SYNE1: variants seen among roughly 807,000 people sequenced by gnomAD.
The protein encoded by SYNE1 is nesprin-1.
In SYNE1, 616 loss-of-function variants were observed where a neutral mutation model predicts 1,111.0. The observed-to-expected ratio is 0.55, with a 90% CI of 0.52 to 0.59. The LOEUF (loss-of-function observed/expected upper bound fraction) is 0.59, where lower values mean the gene tolerates loss of function less well. Ranked by LOEUF, SYNE1 falls within the 20% of genes least tolerant of loss-of-function variation. SYNE1 has a pLI of 0.00. For missense variants in SYNE1, 10,006 were observed against 10,417.0 expected, an observed-to-expected ratio of 0.96 and a Z score of 1.72; for synonymous variants, 3,855 against 3,825.8, an observed-to-expected ratio of 1.01 and a Z score of -0.28.
rs2099037271 is a variant in SYNE1, at chr6:152,502,861, A to G, written c.779-119T>C. 26 of 792,536 alleles carry G rather than the reference A, an allele frequency of 3.3e-5. 1 individual carries two copies. In the South Asian group the frequency reaches 4.1e-4, roughly 13 times the overall value. 49.1% of individuals were successfully genotyped at this position (792,536 alleles called of 1,614,324 possible). On this transcript the variant is annotated intron_variant, in intron 9 of 145. Transcript: ENST00000367255. ...CTAAACGCAGAAGGAAAACAGAAGT[A>G]CTATTTAGAATTTTGGACGGGGAGG...
Position 152,547,487 on chromosome 6 carries a change from A to C in SYNE1, c.68-7466T>G, listed in dbSNP as rs1013146671. On this transcript the variant is annotated intron_variant, in intron 3 of 145. Coordinates refer to ENST00000367255, the MANE Select transcript of SYNE1 (RefSeq NM_182961.4). ...AGGGAGATTTCCTTGCAGAATGCTG[A>C]AAGTGTCAGTTGGCTTCTTTTAGCT... is the stretch of plus-strand genomic sequence containing the variant. Among the ~76,000 whole-genome samples, 5 of 152,236 alleles carry C rather than the reference A, an allele frequency of 3.3e-5. No homozygotes were observed. In the East Asian group the frequency reaches 7.7e-4, roughly 23 times the overall value.
Position 152,540,290 on chromosome 6 carries a change from GAC to G in SYNE1, c.68-271_68-270del, listed in dbSNP as rs540010198. 1.5e-4 allele frequency among the ~76,000 whole-genome samples: 23 copies of G among 152,220 alleles called. No homozygotes were observed. In the South Asian group the frequency reaches 3.5e-3, roughly 23 times the overall value. On this transcript the variant is annotated intron_variant, in intron 3 of 145. Coordinates refer to ENST00000367255, the MANE Select transcript of SYNE1 (RefSeq NM_182961.4). ...ATCCACTTACTTAAAATTCACTGAT[GAC>G]TTATACTTCAACAAAGCTGTTAAAA...
chr6:152,508,368 T>C (rs2099069003), intron 8 of SYNE1, among the ~76,000 whole-genome samples: 1 of 152,172 alleles, frequency 6.6e-6, no homozygotes. Context: ...AAAGTAAAAC[T>C]TCCACTGATG....
rs150266354 is a variant in SYNE1, at chr6:152,330,015, C to G, written c.14670G>C (p.Gln4890His). The change falls in exon 78 of 146, where the codon CAG becomes CAC. Residue 4890 changes from glutamine (Q) to histidine (H), a missense_variant. Transcript: ENST00000367255. ...ESRMVQSIDF[Q>H]TEMSRSLDWL... ...AGTCCAGGGAGCGACTCATCTCAGTCTGGAAGTCTATACTCTGCACCATTC... is the reference window on the plus strand; with the variant it reads ...AGTCCAGGGAGCGACTCATCTCAGTGTGGAAGTCTATACTCTGCACCATTC... 5 of 1,614,066 alleles carry G rather than the reference C, an allele frequency of 3.1e-6. No individual in the cohort carries two copies. The highest frequency in any genetic ancestry group is 4.2e-6 in the Non-Finnish European group (5 of 1,180,046).
Position 152,407,062 on chromosome 6 carries a change from G to GCT in SYNE1, c.6673_6674dup (p.Ser2225ArgfsTer26). 1 of 1,613,594 alleles carries GCT rather than the reference G, an allele frequency of 6.2e-7. No individual in the cohort carries two copies. The highest frequency in any genetic ancestry group is 8.5e-7 in the Non-Finnish European group (1 of 1,179,950). Reference sequence around the variant, plus strand: ...CAGCTCTGAGGTGGTTATCCAGGTTGCTGATGTTTTCTGCCATCTGTGGAA... The same window carrying GCT: ...CAGCTCTGAGGTGGTTATCCAGGTTGCTCTGATGTTTTCTGCCATCTGTGGAA... On this transcript the variant is annotated frameshift_variant, in exon 45 of 146. Coordinates refer to ENST00000367255, the MANE Select transcript of SYNE1 (RefSeq NM_182961.4). LOFTEE classifies it high-confidence loss of function.
chr6:152,465,008 A>G, intron 18 of SYNE1: 1 of 524,198 alleles, frequency 1.9e-6, no homozygotes, highest in Non-Finnish European at 3.4e-6. Flanking sequence ...TCCCCTTCAT[A>G]GACAGACTTC....
intron 129 of SYNE1, among the ~76,000 whole-genome samples, chr6:152,178,152 G>T (rs1024742165): frequency 6.6e-6 from 1 of 151,954 alleles, no homozygotes. Context: ...ATGAAAAGCT[G>T]AAATTTTTCT....
At chr6:152,619,801 G>A (rs149359849) in intron 3 of SYNE1, among the ~76,000 whole-genome samples, 44 of 152,154 alleles carry the variant, frequency 2.9e-4, no homozygotes, top group African/African-American at 1.0e-3. Flanking sequence ...CTCATAGCAC[G>A]GTCCCCAACT....
chr6:152,462,634 G>T, intron 20 of SYNE1, 104 bp downstream of exon 20: 2 of 1,364,964 alleles, frequency 1.5e-6, no homozygotes, highest in African/African-American at 1.4e-5. Context: ...TCAAAATGAT[G>T]CCCAGGAGAC....
chr6:152,127,429 T>G (rs1477232162), intron 145 of SYNE1: 1 of 152,166 alleles, frequency 6.6e-6, no homozygotes, highest in Non-Finnish European at 1.5e-5. Flanking sequence ...AAGTACTAAA[T>G]GAATGTCAGC....
At chr6:152,274,745 C>T (rs557453253) in intron 98 of SYNE1, among the ~76,000 whole-genome samples, 1 of 152,116 alleles carries the variant, frequency 6.6e-6, no homozygotes, top group East Asian at 1.9e-4. Flanking sequence ...TACAGGTTCC[C>T]ACCACCACAC....
At chr6:152,247,514 G>T (rs949979402) in intron 105 of SYNE1, among the ~76,000 whole-genome samples, 1 of 151,470 alleles carries the variant, frequency 6.6e-6, no homozygotes. Context: ...AAAACAAAAA[G>T]ATTTTTCATG....
rs559853798 is a variant in SYNE1, at chr6:152,314,123, T to G, written c.16710+2726A>C. Among the ~76,000 whole-genome samples the G allele has an allele frequency of 7.5e-4, 114 of 152,340 alleles. 1 individual carries two copies. The highest frequency in any genetic ancestry group is 2.7e-3 in the African/African-American group (112 of 41,584). On this transcript the variant is annotated intron_variant, in intron 87 of 145. Transcript: ENST00000367255. ...ACTGAAACCATCTTTTATATTGTCT[T>G]ACTGTCCTCAATGTGTTTTCCAAAG...
At chr6:152,514,333 A>G (rs1011575860) in intron 6 of SYNE1, among the ~76,000 whole-genome samples, 1 of 152,214 alleles carries the variant, frequency 6.6e-6, no homozygotes, top group Non-Finnish European at 1.5e-5. Context: ...TTGCAGGGAC[A>G]TGGATGAAGC....
At chr6:152,132,342 C>A (rs972120102) in intron 143 of SYNE1, 128 bp from the exon 144 acceptor site, 5 of 836,222 alleles carry the variant, frequency 6.0e-6, no homozygotes, top group African/African-American at 5.0e-5. Context: ...TCAAACCATT[C>A]CTTGGGGAAA....
At chr6:152,617,686 CTT>C (rs1201820356) in intron 3 of SYNE1, among the ~76,000 whole-genome samples, 1 of 152,192 alleles carries the variant, frequency 6.6e-6, no homozygotes, top group Middle Eastern at 3.2e-3. Flanking sequence ...GACAGAGCTT[CTT>C]GCATAAACCC....
intron 11 of SYNE1, among the ~76,000 whole-genome samples, chr6:152,495,162 T>A (rs1425865154): frequency 6.6e-6 from 1 of 152,204 alleles, no homozygotes; most frequent in Non-Finnish European, 1.5e-5. Context: ...GTGTTCCATT[T>A]GCTATTCTCC....
In SYNE1 at chr6:152,620,684, C is replaced by T. The variant is rs147301287; in HGVS notation, c.67+7581G>A. ...TATTACCACCTCTCTCCCCATCCAC[C>T]GTTCAACCCATCATCTGTCTCTTGA... On this transcript the variant is annotated intron_variant, in intron 3 of 145. Coordinates refer to ENST00000367255, the MANE Select transcript of SYNE1 (RefSeq NM_182961.4). Among the ~76,000 whole-genome samples the T allele has an allele frequency of 3.9e-5, 6 of 152,254 alleles. No homozygotes were observed. The East Asian group carries it at 9.6e-4, about 24-fold the overall frequency.
At chr6:152,627,321 G>A (rs1261600427) in intron 3 of SYNE1, among the ~76,000 whole-genome samples, 4 of 152,122 alleles carry the variant, frequency 2.6e-5, no homozygotes, top group South Asian at 2.1e-4. Flanking sequence ...TCACCTATGA[G>A]TTTCTATAGT....
Sources: gnomAD v4.1 joint callset for allele counts (sites outside exome capture counted in the v4.1 genomes callset) on GRCh38, gnomAD v4.1.1 for gene constraint, MANE v1.5 for transcripts, NCBI Gene and HGNC (gene_info 2026-07-23, HGNC 2026-07-21) for gene names.